DEAF1: variants seen among roughly 807,000 people sequenced by gnomAD.
DEAF1 encodes the protein deformed epidermal autoregulatory factor 1 homolog.
In DEAF1, 53 loss-of-function variants were observed where a neutral mutation model predicts 58.9. That is an observed-to-expected ratio of 0.90 (90% CI 0.72 to 1.13). The LOEUF (loss-of-function observed/expected upper bound fraction) is 1.13. Ranked by LOEUF, DEAF1 falls within the 50% of genes most tolerant of loss-of-function variation. The pLI is 0.00. For synonymous variants in DEAF1, 385 were observed against 340.4 expected, an observed-to-expected ratio of 1.13 and a Z score of -1.44; for missense variants, 685 against 791.4, an observed-to-expected ratio of 0.87 and a Z score of 1.61.
intron 5 of DEAF1, 71 bp downstream of exon 5, chr11:686,787 C>T: frequency 6.2e-7 from 1 of 1,606,198 alleles, no homozygotes; most frequent in Non-Finnish European, 8.5e-7. Flanking sequence ...TGCCCTCCCT[C>T]TGGCTGGGCC....
chr11:703,170 C>G, intron 1 of DEAF1: 1 of 1,589,564 alleles, frequency 6.3e-7, no homozygotes, highest in Non-Finnish European at 8.6e-7. Context: ...CCCGGGATAC[C>G]CCACACTGGG....
chr11:646,437 G>GGGGCCT, intron 11 of DEAF1: 1 of 152,324 alleles, frequency 6.6e-6, no homozygotes. Flanking sequence ...TGTGGGGTGA[G>GGGGCCT]GGGCCTGCAC....
intron 10 of DEAF1, among the ~76,000 whole-genome samples, chr11:658,489 T>C (rs1410294008): frequency 6.6e-6 from 1 of 152,184 alleles, no homozygotes; most frequent in East Asian, 1.9e-4. Context: ...TTGCAGAAGG[T>C]TAGGACAAGA....
intron 11 of DEAF1, among the ~76,000 whole-genome samples, chr11:648,184 AATT>A (rs1295004925): frequency 6.7e-6 from 1 of 149,668 alleles, no homozygotes; most frequent in African/African-American, 2.5e-5. Flanking sequence ...TAATTTTTAA[AATT>A]ATCACTGCCT....
At chr11:660,706 G>A (rs924381318) in intron 10 of DEAF1, among the ~76,000 whole-genome samples, 1 of 152,236 alleles carries the variant, frequency 6.6e-6, no homozygotes, top group Non-Finnish European at 1.5e-5. Flanking sequence ...TGTTTGATGC[G>A]GAACAGGTGA....
chr11:668,473 C>T (rs1209207267), intron 10 of DEAF1, among the ~76,000 whole-genome samples: 2 of 151,870 alleles, frequency 1.3e-5, no homozygotes, highest in African/African-American at 4.8e-5. Flanking sequence ...AGCACAGTGG[C>T]GTGATCACAG....
rs185964490 is a variant in DEAF1 at position 676,795 on chromosome 11, C to T, written c.1255+1899G>A. Among the ~76,000 whole-genome samples, 60 of 152,274 alleles carry T rather than the reference C, an allele frequency of 3.9e-4. No individual in the cohort carries two copies. In the East Asian group the frequency reaches 9.9e-3, roughly 25 times the overall value. ...CTGGGATTACCGGCGTGAGCCACCA[C>T]GCCCAGCGGGGTTTCTTACAATTGG... On this transcript the variant is annotated intron_variant, in intron 9 of 11. Transcript: ENST00000382409.
chr11:700,861 T>G, intron 1 of DEAF1: 11 of 716,428 alleles, frequency 1.5e-5, no homozygotes, highest in Non-Finnish European at 2.3e-5. Context: ...CCTTACAGTG[T>G]CATTAAGTAT....
chr11:690,551 C>G (rs1396339844), intron 2 of DEAF1, among the ~76,000 whole-genome samples: 1 of 151,820 alleles, frequency 6.6e-6, no homozygotes, highest in Admixed American at 6.6e-5. Flanking sequence ...GAGTTTGAGG[C>G]CAGCCTGGAC....
At chr11:651,120 G>A (rs183190021) in intron 11 of DEAF1, 90 of 154,748 alleles carry the variant, frequency 5.8e-4, no homozygotes, top group Admixed American at 1.4e-3. Flanking sequence ...GCGCCACCAC[G>A]CCTGGCTAAT....
rs1206906872 is a variant in DEAF1, at chr11:687,966, C to T, written c.609G>A (p.Leu203=). 2 of 1,613,998 alleles carry T rather than the reference C, an allele frequency of 1.2e-6. No individual in the cohort carries two copies. The highest frequency in any genetic ancestry group is 2.2e-5 in the East Asian group (1 of 44,890). ...CGCTGATGTTCCGGCACCGTACGGGCAGCTCACTGTCGTACACAGAAGGGT... is the reference window on the plus strand; with the variant it reads ...CGCTGATGTTCCGGCACCGTACGGGTAGCTCACTGTCGTACACAGAAGGGT... ...NWDPSVYDSE[L]PVRCRNISGT... is the part of the protein sequence containing the mutation. The change falls in exon 4 of 12, where the codon CTG becomes CTA. Residue 203 remains leucine, a synonymous_variant. Coordinates refer to ENST00000382409, the MANE Select transcript of DEAF1 (RefSeq NM_021008.4).
rs1167832205 is a variant in DEAF1, at chr11:680,029, C to T, written c.998-213G>A. 1.2e-5 allele frequency: 6 copies of T among 510,230 alleles called. No individual in the cohort carries two copies. In the African/African-American group the frequency reaches 1.2e-4, roughly 10 times the overall value. The allele number at this position is 510,230 out of a possible 1,614,324, so 31.6% of individuals were successfully genotyped here. ...CCAGGATGGCCAGGATGGCAACTTG[C>T]CACTACCAATTGTTCGCTGTTTAAA... On this transcript the variant is annotated intron_variant, in intron 7 of 11. Transcript: ENST00000382409.
chr11:681,958 A>C (rs759389155), intron 6 of DEAF1, among the ~76,000 whole-genome samples: 3 of 152,206 alleles, frequency 2.0e-5, no homozygotes, highest in Non-Finnish European at 4.4e-5. Context: ...TTTGTTAAGA[A>C]TCAGACACCG....
At chr11:678,148 G>T (rs1860161175) in intron 9 of DEAF1, among the ~76,000 whole-genome samples, 2 of 152,184 alleles carry the variant, frequency 1.3e-5, no homozygotes, top group South Asian at 4.1e-4. Flanking sequence ...GGCAGAGGTT[G>T]CAGTGAGCCA....
chr11:683,020 A>G (rs1860443018), intron 6 of DEAF1, among the ~76,000 whole-genome samples: 1 of 152,184 alleles, frequency 6.6e-6, no homozygotes, highest in African/African-American at 2.4e-5. Flanking sequence ...TCGTAGCTCA[A>G]ACGTCACAAT....
At chr11:679,660 G>T in intron 8 of DEAF1, 28 bp downstream of exon 8, 2 of 1,608,246 alleles carry the variant, frequency 1.2e-6, no homozygotes, top group East Asian at 2.2e-5. Context: ...TGCTGAGGAC[G>T]CGTCAGGCAG....
chr11:693,375 C>T (rs1860920205), intron 1 of DEAF1: 2 of 152,236 alleles, frequency 1.3e-5, no homozygotes, highest in African/African-American at 2.4e-5. Context: ...GCAGCAGTGA[C>T]CCCTTTGCCT....
chr11:687,008 G>C lies in DEAF1; in HGVS notation c.665-11C>G. ...ACCGTCCCCGGCCGCCTGCAAGGAA[G>C]GGCAGCAGTCATGATGATGGCAGGT... On this transcript the variant is annotated splice_polypyrimidine_tract_variant and intron_variant, in intron 4 of 11. Coordinates refer to ENST00000382409, the MANE Select transcript of DEAF1 (RefSeq NM_021008.4). 1.2e-6 allele frequency: 2 copies of C among 1,613,882 alleles called. No individual in the cohort carries two copies. Among genetic ancestry groups the C allele is most frequent in the Non-Finnish European group, 1.7e-6 (2 of 1,180,038 alleles).
At position 688,262 on chromosome 11, in the gene DEAF1, C is replaced by G; in HGVS notation, c.517+69G>C. On this transcript the variant is annotated intron_variant, in intron 3 of 11. Transcript: ENST00000382409. The surrounding 1 kb of genome is among the most constrained non-coding windows in gnomAD (Gnocchi z 4.3). ...CACAAAAAGAAACAAGTAAATAAATCCCTGAAATAAATTCTAGCTATTCTG... is the reference window on the plus strand; with the variant it reads ...CACAAAAAGAAACAAGTAAATAAATGCCTGAAATAAATTCTAGCTATTCTG... 1 of 1,579,498 alleles carries G rather than the reference C, an allele frequency of 6.3e-7. No homozygotes were observed. Among genetic ancestry groups the G allele is most frequent in the Non-Finnish European group, 8.6e-7 (1 of 1,162,022 alleles).
Sources: gnomAD v4.1 joint callset for allele counts (sites outside exome capture counted in the v4.1 genomes callset) on GRCh38, gnomAD v4.1.1 for gene constraint, Gnocchi (gnomAD v3.1) non-coding constraint, MANE v1.5 for transcripts, NCBI Gene and HGNC (gene_info 2026-07-23, HGNC 2026-07-21) for gene names.